The following TEX9 variants were observed in gnomAD, a reference collection of about 807,000 sequenced individuals.
TEX9 encodes testis expressed 9, also known as testis-expressed protein 9.
TEX9 carries 74 observed loss-of-function variants against 59.6 expected under a neutral mutation model. The ratio of observed to expected loss-of-function variants is 1.24; its 90% CI spans 1.03 to 1.51. The LOEUF (loss-of-function observed/expected upper bound fraction) is 1.51, where lower values mean the gene tolerates loss of function less well. Ranked by LOEUF, TEX9 falls within the 40% of genes most tolerant of loss-of-function variation. The probability of loss-of-function intolerance (pLI) is 0.00; values close to 1 mark genes in which losing one functional copy is unlikely to be tolerated. For missense variants in TEX9, 522 were observed against 447.8 expected (o/e 1.17, Z -1.49); for synonymous variants, 186 against 152.2 (o/e 1.22, Z -1.64).
exon 12 of TEX9, chr15:56,428,423 A>G: frequency 6.2e-7 from 1 of 1,612,002 alleles, no homozygotes; most frequent in Non-Finnish European, 8.5e-7. Flanking sequence ...TTATGAAAGC[A>G]CTTGAATGGG....
chr15:56,426,587 G>GTATATATATA lies in TEX9; in HGVS notation c.964-1017_964-1016insATATATATAT, dbSNP rs1320230912. Among the ~76,000 whole-genome samples, 15 of 8,206 alleles carry GTATATATATA rather than the reference G, an allele frequency of 1.8e-3. 1 individual carries two copies. The highest frequency in any genetic ancestry group is 3.5e-3 in the Non-Finnish European group (13 of 3,718). 5.4% of individuals were successfully genotyped at this position (8,206 alleles called of 152,430 possible). A position where few individuals can be genotyped will look rare whatever the true frequency, so the allele number is the denominator to read the frequency against. On this transcript the variant is annotated intron_variant, in intron 10 of 12. Transcript: ENST00000352903. The stretch of plus-strand genomic sequence containing the variant: ...GTTTTTTTTTTTTTTTTTTGAAAAG[G>GTATATATATA]TGTATATATATATATATATATATAT...
intron 1 of TEX9, among the ~76,000 whole-genome samples, chr15:56,345,940 C>T (rs1218853566): frequency 3.3e-5 from 5 of 152,080 alleles, no homozygotes; most frequent in African/African-American, 9.7e-5. Flanking sequence ...AATATGAAAG[C>T]GTTCATAATA....
Position 56,394,380 on chromosome 15 carries a change from G to C in TEX9, c.654+133G>C, listed in dbSNP as rs1380199206. 8 of 751,974 alleles carry C rather than the reference G, an allele frequency of 1.1e-5. No individual in the cohort carries two copies. The Admixed American group carries it at 2.7e-4, about 25-fold the overall frequency. The allele number at this position is 751,974 out of a possible 1,614,324, so 46.6% of individuals were successfully genotyped here. A position where few individuals can be genotyped will look rare whatever the true frequency, so the allele number is the denominator to read the frequency against. On this transcript the variant is annotated intron_variant, in intron 8 of 12. Coordinates refer to ENST00000352903, the Ensembl canonical transcript of TEX9. ...TTTTGAATTCAAAAATTGTATATAA[G>C]TACTGAACTTTATTCTGAGATGTTG...
chr15:56,271,560 A>C (rs1347503188), intron 1 of TEX9, among the ~76,000 whole-genome samples: 1 of 152,018 alleles, frequency 6.6e-6, no homozygotes. Flanking sequence ...TGGCTTCCCA[A>C]AATGCTGGCG....
chr15:56,359,705 G>T (rs1276255130), intron 1 of TEX9, among the ~76,000 whole-genome samples: 3 of 151,860 alleles, frequency 2.0e-5, no homozygotes, highest in East Asian at 3.8e-4. Flanking sequence ...CACAAAGATG[G>T]TTTATTTCTT....
downstream of TEX9, chr15:56,447,240 A>G (rs2050912566): frequency 5.2e-6 from 1 of 191,056 alleles, no homozygotes; most frequent in Non-Finnish European, 1.1e-5. Flanking sequence ...CATATCATGG[A>G]TAAGTCTCCA....
chr15:56,454,438 G>A, the TEX9 span, among the ~76,000 whole-genome samples: 1 of 152,062 alleles, frequency 6.6e-6, no homozygotes, highest in East Asian at 1.9e-4. Context: ...TGAAATACTA[G>A]GTCCTACTCA....
chr15:56,289,458 G>T (rs1428487815), intron 1 of TEX9, among the ~76,000 whole-genome samples: 3 of 152,176 alleles, frequency 2.0e-5, no homozygotes, highest in African/African-American at 4.8e-5. Flanking sequence ...ACCATTGAGG[G>T]TTCCAGATGT....
intron 1 of TEX9, among the ~76,000 whole-genome samples, chr15:56,269,296 AG>A (rs774472943): frequency 3.8e-4 from 58 of 152,160 alleles, no homozygotes; most frequent in Non-Finnish European, 7.2e-4. Context: ...GATTTTTTGA[AG>A]GGTTTTTTCG....
intron 1 of TEX9, among the ~76,000 whole-genome samples, chr15:56,324,572 G>A (rs750732690): frequency 1.3e-5 from 2 of 152,180 alleles, no homozygotes; most frequent in Admixed American, 6.5e-5. Flanking sequence ...TTCTACAGAT[G>A]TGGATTATGT....
At chr15:56,408,441 C>G (rs1277169802) in intron 9 of TEX9, 1 of 152,204 alleles carries the variant, frequency 6.6e-6, no homozygotes, top group Non-Finnish European at 1.5e-5. Context: ...GTGCCCAAGT[C>G]TCTTCTCTGT....
At chr15:56,388,655 T>G (rs896399260) in intron 5 of TEX9, 135 bp downstream of exon 5, 6 of 630,800 alleles carry the variant, frequency 9.5e-6, no homozygotes, top group Non-Finnish European at 1.4e-5. Flanking sequence ...CTCAGAGGGA[T>G]GCATTTGTGA....
At chr15:56,330,772 GA>G (rs202192979) in intron 1 of TEX9, among the ~76,000 whole-genome samples, 23 of 145,996 alleles carry the variant, frequency 1.6e-4, no homozygotes, top group African/African-American at 2.5e-4. Context: ...AAAACCACCA[GA>G]AAAAAAAAAT....
intron 1 of TEX9, among the ~76,000 whole-genome samples, chr15:56,315,566 C>T (rs1173769806): frequency 1.3e-5 from 2 of 150,406 alleles, no homozygotes; most frequent in Non-Finnish European, 3.0e-5. Flanking sequence ...CGACCTTTCT[C>T]TGTGGCTGCC....
chr15:56,440,794 A>C (rs545828378), intron 12 of TEX9, among the ~76,000 whole-genome samples: 5 of 152,306 alleles, frequency 3.3e-5, no homozygotes, highest in African/African-American at 1.2e-4. Context: ...AGGTTTATCC[A>C]TGTTTTAGCA....
In TEX9 at chr15:56,320,498, T is replaced by C. The variant is rs79508670; in HGVS notation, c.-106-52943T>C. 2.1e-3 allele frequency among the ~76,000 whole-genome samples: 305 copies of C among 147,688 alleles called. 1 individual carries two copies. The highest frequency in any genetic ancestry group is 7.0e-3 in the African/African-American group (284 of 40,844). On this transcript the variant is annotated intron_variant, in intron 1 of 5. Transcript: ENST00000560827. ...GTGGGGATAGAGGGAAAGAGAGAGATAGAGAGGAGAAAGAGAGAGACAGAG... is the reference window on the plus strand; with the variant it reads ...GTGGGGATAGAGGGAAAGAGAGAGACAGAGAGGAGAAAGAGAGAGACAGAG...
chr15:56,361,334 T>C (rs1346866144), upstream of TEX9, among the ~76,000 whole-genome samples: 1 of 152,336 alleles, frequency 6.6e-6, no homozygotes, highest in East Asian at 1.9e-4. Context: ...AATATATGCA[T>C]TGAATGCTAA....
At chr15:56,295,774 A>G (rs1423825879) in intron 1 of TEX9, among the ~76,000 whole-genome samples, 1 of 152,164 alleles carries the variant, frequency 6.6e-6, no homozygotes, top group East Asian at 1.9e-4. Context: ...ATCCCAGGCC[A>G]TTTGACCGGA....
At chr15:56,437,936 C>G (rs2050755957) in intron 12 of TEX9, among the ~76,000 whole-genome samples, 2 of 152,154 alleles carry the variant, frequency 1.3e-5, no homozygotes, top group Non-Finnish European at 2.9e-5. Context: ...TCAAGGAGAA[C>G]TGCAAACCAC....
Sources: allele counts gnomAD v4.1 joint callset (sites outside exome capture counted in the v4.1 genomes callset), GRCh38; gene constraint gnomAD v4.1.1; transcripts MANE v1.5; gene names NCBI Gene and HGNC (gene_info 2026-07-23, HGNC 2026-07-21).